The following PPDPF variants were observed in gnomAD, a reference collection of about 807,000 sequenced individuals.
The protein encoded by PPDPF is exocrine differentiation and proliferation factor.
PPDPF carries 11 observed loss-of-function variants against 6.3 expected under a neutral mutation model. That is an observed-to-expected ratio of 1.76 (90% CI 1.11 to 2.91). PPDPF has a LOEUF of 2.91. Among genes scored for constraint, PPDPF ranks in the 30% most tolerant of loss-of-function variants. The pLI, the probability that PPDPF is intolerant of heterozygous loss-of-function variation, is 0.00. For missense variants in PPDPF, 202 were observed against 159.4 expected (o/e 1.27, Z -1.44); for synonymous variants, 86 against 64.5 (o/e 1.33, Z -1.60).
chr20:63,520,965 G>A, intron 1 of PPDPF, 71 bp downstream of exon 1: 1 of 1,007,246 alleles, frequency 9.9e-7, no homozygotes, highest in Non-Finnish European at 1.2e-6. Flanking sequence ...GGCTGGGCCG[G>A]GGGCTCCTCT....
Position 63,521,345 on chromosome 20 carries a change from A to G in PPDPF, c.37A>G (p.Thr13Ala), listed in dbSNP as rs771351860. 6.2e-7 allele frequency: 1 copy of G among 1,608,622 alleles called. No individual in the cohort carries two copies. The highest frequency in any genetic ancestry group is 8.5e-7 in the Non-Finnish European group (1 of 1,178,450). The change falls in exon 2 of 4, where the codon ACC (threonine) becomes GCC (alanine). Residue 13 changes from threonine to alanine, a missense_variant. Coordinates refer to ENST00000370179, the MANE Select transcript of PPDPF (RefSeq NM_024299.4). Reference protein sequence around the residue: ...AIPSSGSLVATHDYYRRRLGS... With the variant: ...AIPSSGSLVAAHDYYRRRLGS... Reference sequence around the variant, plus strand: ...CCCCTCCAGCGGCTCGCTCGTGGCCACCCACGACTACTACCGGCGTGAGTA... The same window carrying G: ...CCCCTCCAGCGGCTCGCTCGTGGCCGCCCACGACTACTACCGGCGTGAGTA...
chr20:63,522,078 C>T lies in PPDPF; in HGVS notation c.*199C>T, dbSNP rs1241345318. 1.3e-5 allele frequency: 8 copies of T among 614,272 alleles called. No homozygotes were observed. Among genetic ancestry groups the T allele is most frequent in the Middle Eastern group, 6.8e-4 (2 of 2,946 alleles). 38.1% of individuals were successfully genotyped at this position (614,272 alleles called of 1,614,324 possible). On this transcript the variant is annotated 3_prime_UTR_variant, in exon 4 of 4. Coordinates refer to ENST00000370179, the MANE Select transcript of PPDPF (RefSeq NM_024299.4). ...AACCAGTGAGAGCCCCGCTCTCTACCGCCCGGCCCCAGCACTCGCTAGCTT... is the reference window on the plus strand; with the variant it reads ...AACCAGTGAGAGCCCCGCTCTCTACTGCCCGGCCCCAGCACTCGCTAGCTT...
At position 63,521,946 on chromosome 20, in the gene PPDPF, T is replaced by TCTCCCCA; in HGVS notation, c.*72_*78dup. ...GTCCACCAGAGCCCCTCCCCGCCCC[T>TCTCCCCA]CTCCCCACTCCGCATCCCTCGCCCC... On this transcript the variant is annotated 3_prime_UTR_variant, in exon 4 of 4. Transcript: ENST00000370179. The TCTCCCCA allele has an allele frequency of 1.1e-6, 1 of 946,008 alleles. No individual in the cohort carries two copies. Among genetic ancestry groups the TCTCCCCA allele is most frequent in the South Asian group, 2.4e-5 (1 of 41,090 alleles). The allele number at this position is 946,008 out of a possible 1,614,324, so 58.6% of individuals were successfully genotyped here.
Position 63,521,857 on chromosome 20 carries a change from C to A in PPDPF, c.323C>A (p.Ala108Asp). Residue 108 changes from alanine (A) to aspartate (D), a missense_variant, in exon 4 of 4, where the codon GCC (alanine) becomes GAC (aspartate). Ala to Asp is a moderately radical substitution (Grantham distance 126, BLOSUM62 -2). Transcript: ENST00000370179. The stretch of plus-strand genomic sequence containing the variant: ...CAGCCCGGCGGTCAGTCCAGCACAG[C>A]CAGCGCTGGGCCCCCGTCCTGACCT... ...RKQPGGQSST[A>D]SAGPPS 3 of 1,599,276 alleles carry A rather than the reference C, an allele frequency of 1.9e-6. No individual in the cohort carries two copies. The South Asian group carries it at 3.3e-5, about 18-fold the overall frequency.
In PPDPF at chr20:63,521,558, G is replaced by A; in HGVS notation, c.102G>A (p.Glu34=). Residue 34 remains glutamate (E), a synonymous_variant, in exon 3 of 4, where the codon GAG becomes GAA. Transcript: ENST00000370179. The part of the protein sequence containing the change: ...TSSNSSCSST[E]CPGEAIPHPP... ...GCAACAGCTCCTGCAGCAGTACCGA[G>A]TGCCCCGGGGAAGCCATTCCCCACC... 1.9e-6 allele frequency: 3 copies of A among 1,605,806 alleles called. No individual in the cohort carries two copies. Among genetic ancestry groups the A allele is most frequent in the East Asian group, 4.5e-5 (2 of 44,814 alleles).
chr20:63,521,415 C>T (rs977993494), intron 2 of PPDPF, 52 bp downstream of exon 2: 6 of 1,591,280 alleles, frequency 3.8e-6, no homozygotes, highest in African/African-American at 1.3e-5. Flanking sequence ...GCGCCAGTGC[C>T]GGCCCCGTGC....
intron 1 of PPDPF, 57 bp from the exon 2 acceptor site, chr20:63,521,227 G>A: frequency 2.1e-6 from 3 of 1,438,640 alleles, no homozygotes; most frequent in East Asian, 2.6e-5. Flanking sequence ...CCGCTGGGGA[G>A]CGCCCTTCAT....
At chr20:63,521,207 G>A in intron 1 of PPDPF, 77 bp from the exon 2 acceptor site, 1 of 1,325,492 alleles carries the variant, frequency 7.5e-7, no homozygotes, top group East Asian at 2.7e-5. Context: ...ACCCAGCGCG[G>A]CGGCTCCACC....
In PPDPF at chr20:63,521,605, C is replaced by T; in HGVS notation, c.133+16C>T. ...CACCCCCCAGGTGAGTGCAGGATCGCCCCTTTCTCCCCCCGCTCCTCCAGG... is the reference window on the plus strand; with the variant it reads ...CACCCCCCAGGTGAGTGCAGGATCGTCCCTTTCTCCCCCCGCTCCTCCAGG... On this transcript the variant is annotated intron_variant, in intron 3 of 3. Transcript: ENST00000370179. The T allele has an allele frequency of 1.2e-6, 2 of 1,611,636 alleles. No homozygotes were observed. The highest frequency in any genetic ancestry group is 1.7e-4 in the Middle Eastern group (1 of 6,058).
chr20:63,521,983 C>T lies in PPDPF; in HGVS notation c.*104C>T. Reference sequence around the variant, plus strand: ...GCATCCCTCGCCCCCCTCCCCACCTCCCACCCCCCACCCTGTAAACTAGGC... The same window carrying T: ...GCATCCCTCGCCCCCCTCCCCACCTTCCACCCCCCACCCTGTAAACTAGGC... On this transcript the variant is annotated 3_prime_UTR_variant, in exon 4 of 4. Transcript: ENST00000370179. 1.2e-6 allele frequency: 1 copy of T among 816,230 alleles called. No homozygotes were observed. The highest frequency in any genetic ancestry group is 1.9e-6 in the Non-Finnish European group (1 of 518,646). 50.6% of individuals were successfully genotyped at this position (816,230 alleles called of 1,614,324 possible). A position where few individuals can be genotyped will look rare whatever the true frequency, so the allele number is the denominator to read the frequency against.
In PPDPF at chr20:63,521,564, C is replaced by T. The variant is rs1451848807; in HGVS notation, c.108C>T (p.Pro36=). 1.9e-6 allele frequency: 3 copies of T among 1,606,618 alleles called. No individual in the cohort carries two copies. Among genetic ancestry groups the T allele is most frequent in the Admixed American group, 1.7e-5 (1 of 59,466 alleles). The change falls in exon 3 of 4, where the codon CCC becomes CCT. Residue 36 remains proline (P), a synonymous_variant. Coordinates refer to ENST00000370179, the MANE Select transcript of PPDPF (RefSeq NM_024299.4). ...GCTCCTGCAGCAGTACCGAGTGCCC[C>T]GGGGAAGCCATTCCCCACCCCCCAG... is the stretch of plus-strand genomic sequence containing the variant. ...SNSSCSSTEC[P]GEAIPHPPGL...
rs984943330 is a variant in PPDPF at position 63,521,633 on chromosome 20, C to T, written c.134-35C>T. 6 of 1,612,512 alleles carry T rather than the reference C, an allele frequency of 3.7e-6. No individual in the cohort carries two copies. The South Asian group carries it at 5.5e-5, about 15-fold the overall frequency. On this transcript the variant is annotated intron_variant, in intron 3 of 3. Transcript: ENST00000370179. ...CTTTCTCCCCCCGCTCCTCCAGGAG[C>T]TGGCAGCATCAAGACCCCACTTCGC...
rs905146531 is a variant in PPDPF, at chr20:63,520,777, CCT to C, written c.-138_-137del. ...TCCGCGCGTGCGCACCCCGCGCGCGCCTCTCTGTCGTGGCGCGGCTTCCCGCG... is the reference window on the plus strand; with the variant it reads ...TCCGCGCGTGCGCACCCCGCGCGCGCCTCTGTCGTGGCGCGGCTTCCCGCG... On this transcript the variant is annotated 5_prime_UTR_variant, in exon 1 of 4. Transcript: ENST00000370179. 1.2e-5 allele frequency: 12 copies of C among 984,614 alleles called. No homozygotes were observed. Among genetic ancestry groups the C allele is most frequent in the Middle Eastern group, 5.2e-4 (1 of 1,908 alleles). The allele number at this position is 984,614 out of a possible 1,614,324, so 61.0% of individuals were successfully genotyped here.
rs764569212 is a variant in PPDPF, at chr20:63,521,825, G to A, written c.291G>A (p.Pro97=). The change falls in exon 4 of 4, where the codon CCG becomes CCA. Residue 97 remains proline, a synonymous_variant. Transcript: ENST00000370179. ...CCTGTGGCCTGGCTCGGGACGCCCC[G>A]AGGAAGCAGCCCGGCGGTCAGTCCA... The part of the protein sequence containing the change: ...MTACGLARDA[P]RKQPGGQSST... The A allele has an allele frequency of 3.1e-6, 5 of 1,610,620 alleles. No individual in the cohort carries two copies. In the Admixed American group the frequency reaches 5.0e-5, roughly 16 times the overall value.
At position 63,521,672 on chromosome 20, in the gene PPDPF, C is replaced by T. The variant is rs1475431642; in HGVS notation, c.138C>T (p.Leu46=). The change falls in exon 4 of 4, where the codon CTC becomes CTT. Residue 46 remains leucine (L), a synonymous_variant. Transcript: ENST00000370179. The stretch of plus-strand genomic sequence containing the variant: ...ACCCCACTTCGCTTCTCTCAGGTCT[C>T]CCCAAGGCTGACCCGGGTCATTGGT... ...PGEAIPHPPG[L]PKADPGHWWA... is the part of the protein sequence containing the mutation. 1.1e-5 allele frequency: 17 copies of T among 1,613,376 alleles called. No homozygotes were observed. Among genetic ancestry groups the T allele is most frequent in the Non-Finnish European group, 1.4e-5 (16 of 1,180,002 alleles).
intron 1 of PPDPF, among the ~76,000 whole-genome samples, 191 bp downstream of exon 1, chr20:63,521,085 G>A (rs1311134682): frequency 6.6e-6 from 1 of 152,052 alleles, no homozygotes. Context: ...GGGGCCCCGC[G>A]CACAAAGCGC....
At chr20:63,520,763 G>A (rs549199367), upstream of PPDPF, 28 of 984,738 alleles carry the variant, frequency 2.8e-5, no homozygotes, top group South Asian at 1.2e-3. Context: ...CCGCGCGTGC[G>A]CACCCCGCGC....
At chr20:63,521,200 C>A in intron 1 of PPDPF, 84 bp from the exon 2 acceptor site, 2 of 1,293,928 alleles carry the variant, frequency 1.5e-6, no homozygotes, top group Non-Finnish European at 2.1e-6. Context: ...GTAAATAACC[C>A]AGCGCGGCGG....
At position 63,520,867 on chromosome 20, in the gene PPDPF, C is replaced by T; in HGVS notation, c.-53C>T. On this transcript the variant is annotated 5_prime_UTR_variant, in exon 1 of 4. Transcript: ENST00000370179. ...CGTCCCCGCCACCCGTGATCGTGCG[C>T]CGAGGCCCGCGAGGGGTCGCCGCCC... 1 of 990,430 alleles carries T rather than the reference C, an allele frequency of 1.0e-6. No homozygotes were observed. Among genetic ancestry groups the T allele is most frequent in the Non-Finnish European group, 1.2e-6 (1 of 833,748 alleles). 61.4% of individuals were successfully genotyped at this position (990,430 alleles called of 1,614,324 possible). A position where few individuals can be genotyped will look rare whatever the true frequency, so the allele number is the denominator to read the frequency against.
Sources: gnomAD v4.1 joint callset for allele counts (sites outside exome capture counted in the v4.1 genomes callset) on GRCh38, gnomAD v4.1.1 for gene constraint, MANE v1.5 for transcripts, NCBI Gene and HGNC (gene_info 2026-07-23, HGNC 2026-07-21) for gene names.